Variants in LRMDA observed in about 807,000 individuals in gnomAD.
The protein encoded by LRMDA is leucine-rich melanocyte differentiation-associated protein.
In LRMDA, 18 loss-of-function variants were observed where a neutral mutation model predicts 29.8. The observed-to-expected ratio is 0.60, with a 90% CI of 0.42 to 0.90. The LOEUF (loss-of-function observed/expected upper bound fraction) is 0.90, where lower values mean the gene tolerates loss of function less well. Ranked by LOEUF, LRMDA falls within the 40% of genes least tolerant of loss-of-function variation. The probability of loss-of-function intolerance (pLI) is 0.00; values close to 1 mark genes in which losing one functional copy is unlikely to be tolerated. For missense variants in LRMDA, 273 were observed against 273.9 expected, an observed-to-expected ratio of 1.00 and a Z score of 0.02; for synonymous variants, 125 against 109.4, an observed-to-expected ratio of 1.14 and a Z score of -0.89.
chr10:75,468,573 G>T lies in LRMDA; in HGVS notation c.131+30079G>T, dbSNP rs1844686329. On this transcript the variant is annotated intron_variant, in intron 2 of 6. Coordinates refer to ENST00000611255, the MANE Select transcript of LRMDA (RefSeq NM_001305581.2). ...TAGAGGTGGTTTGGAATTTTCTTTT[G>T]CTCTTAAGGTTCTGCACCTGAAGTG... Among the ~76,000 whole-genome samples the T allele has an allele frequency of 2.0e-5, 3 of 152,134 alleles. No individual in the cohort carries two copies. In the South Asian group the frequency reaches 6.2e-4, roughly 31 times the overall value.
intron 2 of LRMDA, among the ~76,000 whole-genome samples, chr10:75,701,371 T>C (rs1420318061): frequency 2.0e-5 from 3 of 152,190 alleles, no homozygotes; most frequent in African/African-American, 7.2e-5. Flanking sequence ...AACAGGGAGA[T>C]AGATGTTCAG....
intron 5 of LRMDA, among the ~76,000 whole-genome samples, chr10:76,320,925 A>C (rs559003026): frequency 6.6e-6 from 1 of 152,194 alleles, no homozygotes; most frequent in Non-Finnish European, 1.5e-5. Context: ...TTATATTTCC[A>C]TAAATATTAT....
chr10:76,330,676 G>A (rs1840894111), intron 6 of LRMDA, among the ~76,000 whole-genome samples: 2 of 152,144 alleles, frequency 1.3e-5, no homozygotes, highest in Non-Finnish European at 2.9e-5. Flanking sequence ...CCCTTCCAGT[G>A]TCTTTTGTTT....
Position 76,438,001 on chromosome 10 carries a change from ACT to A in LRMDA, c.601+113521_601+113522del, listed in dbSNP as rs569578190. Among the ~76,000 whole-genome samples the A allele has an allele frequency of 9.7e-4, 147 of 152,246 alleles. 1 individual carries two copies. Among genetic ancestry groups the A allele is most frequent in the Middle Eastern group, 3.4e-3 (1 of 294 alleles). ...CAAGTCACTCACCTAGTCAGCGGCA[ACT>A]CTCTGTTATTGATGGGGCTTCACTT... On this transcript the variant is annotated intron_variant, in intron 6 of 6. Coordinates refer to ENST00000611255, the MANE Select transcript of LRMDA (RefSeq NM_001305581.2).
chr10:76,117,596 C>T (rs373371116), intron 5 of LRMDA, among the ~76,000 whole-genome samples: 1 of 152,196 alleles, frequency 6.6e-6, no homozygotes, highest in African/African-American at 2.4e-5. Flanking sequence ...AAGAGAATGA[C>T]CTAGTGCTCC....
chr10:75,803,513 A>G (rs1157876969), intron 2 of LRMDA, among the ~76,000 whole-genome samples: 1 of 152,192 alleles, frequency 6.6e-6, no homozygotes, highest in East Asian at 1.9e-4. Context: ...CTGCATGTAC[A>G]TTCTGGCTCT....
At chr10:75,959,055 G>A (rs535145920) in intron 2 of LRMDA, among the ~76,000 whole-genome samples, 2 of 152,324 alleles carry the variant, frequency 1.3e-5, no homozygotes, top group South Asian at 2.1e-4. Context: ...TACAATTCAA[G>A]ATGAGATTTG....
intron 6 of LRMDA, among the ~76,000 whole-genome samples, chr10:76,384,208 T>C (rs960788983): frequency 1.3e-5 from 2 of 152,202 alleles, no homozygotes; most frequent in African/African-American, 4.8e-5. Context: ...TCATTTTTCA[T>C]ATTAAAAAAC....
At chr10:75,869,987 T>C (rs1023847884) in intron 2 of LRMDA, among the ~76,000 whole-genome samples, 7 of 152,198 alleles carry the variant, frequency 4.6e-5, no homozygotes, top group African/African-American at 1.7e-4. Flanking sequence ...CTCTCCCCTC[T>C]TGCTGCTTCG....
chr10:75,603,971 G>A (rs1400374343), intron 2 of LRMDA, among the ~76,000 whole-genome samples: 2 of 152,132 alleles, frequency 1.3e-5, no homozygotes. Context: ...AGCAGTGTGG[G>A]ATGATAGGAG....
At chr10:76,417,781 G>A (rs975037280) in intron 6 of LRMDA, among the ~76,000 whole-genome samples, 11 of 152,050 alleles carry the variant, frequency 7.2e-5, no homozygotes, top group South Asian at 2.1e-4. Flanking sequence ...AGGTCATGAC[G>A]GTATTATCCT....
intron 2 of LRMDA, among the ~76,000 whole-genome samples, chr10:75,826,084 C>T (rs965775111): frequency 5.3e-5 from 8 of 152,036 alleles, no homozygotes; most frequent in Non-Finnish European, 8.8e-5. Context: ...TTGGTTCATT[C>T]TTATAACATA....
intron 5 of LRMDA, among the ~76,000 whole-genome samples, chr10:76,203,738 G>C (rs1253512282): frequency 1.4e-5 from 2 of 142,254 alleles, no homozygotes; most frequent in Non-Finnish European, 3.0e-5. Context: ...CCATGTGCCT[G>C]TCCACCCATC....
Position 76,328,410 on chromosome 10 carries a change from A to G in LRMDA, c.601+3925A>G, listed in dbSNP as rs534263981. On this transcript the variant is annotated intron_variant, in intron 6 of 6. Coordinates refer to ENST00000611255, the MANE Select transcript of LRMDA (RefSeq NM_001305581.2). Reference sequence around the variant, plus strand: ...TATCATCCTCAGGGTAACCCTGTAAAGTGAGGAGTGCAAATATTTTTCCCA... The same window carrying G: ...TATCATCCTCAGGGTAACCCTGTAAGGTGAGGAGTGCAAATATTTTTCCCA... Among the ~76,000 whole-genome samples the G allele has an allele frequency of 1.3e-5, 2 of 152,290 alleles. 1 individual carries two copies. Among genetic ancestry groups the G allele is most frequent in the South Asian group, 4.1e-4 (2 of 4,830 alleles).
intron 2 of LRMDA, among the ~76,000 whole-genome samples, chr10:75,748,309 G>C (rs564331271): frequency 6.6e-6 from 1 of 152,232 alleles, no homozygotes; most frequent in East Asian, 1.9e-4. Flanking sequence ...GGCCAGGCTG[G>C]TCTTGAACTC....
chr10:76,174,433 T>C (rs1341814439), intron 5 of LRMDA, among the ~76,000 whole-genome samples: 1 of 152,210 alleles, frequency 6.6e-6, no homozygotes, highest in African/African-American at 2.4e-5. Context: ...AATAATAATG[T>C]ATCATGACCA....
chr10:75,831,916 G>A (rs896789823), intron 2 of LRMDA, among the ~76,000 whole-genome samples: 4 of 152,202 alleles, frequency 2.6e-5, no homozygotes, highest in South Asian at 2.1e-4. Context: ...GGGATGCAGG[G>A]CACCAAGTCC....
At chr10:76,525,614 TAC>T (rs1323605986) in intron 6 of LRMDA, among the ~76,000 whole-genome samples, 7 of 58,518 alleles carry the variant, frequency 1.2e-4, no homozygotes, top group African/African-American at 3.7e-4. Flanking sequence ...AATGGCGGAC[TAC>T]ATTTCTTATG....
intron 6 of LRMDA, among the ~76,000 whole-genome samples, chr10:76,492,317 C>T (rs1842841407): frequency 6.6e-6 from 1 of 151,962 alleles, no homozygotes; most frequent in Admixed American, 6.6e-5. Flanking sequence ...ATAGTCTGGG[C>T]TTGTTGGTAC....
Sources: allele counts gnomAD v4.1 joint callset (sites outside exome capture counted in the v4.1 genomes callset), GRCh38; gene constraint gnomAD v4.1.1; transcripts MANE v1.5; gene names NCBI Gene and HGNC (gene_info 2026-07-23, HGNC 2026-07-21).